PCDH9: variants seen among roughly 807,000 people sequenced by gnomAD.
PCDH9 encodes the protein protocadherin 9, also known as protocadherin-9.
A neutral mutation model predicts 70.6 loss-of-function variants in PCDH9; 24 were observed. The ratio of observed to expected loss-of-function variants is 0.34; its 90% CI spans 0.25 to 0.48. The LOEUF (loss-of-function observed/expected upper bound fraction) is 0.48. Among genes scored for constraint, PCDH9 ranks in the 20% least tolerant of loss-of-function variants. PCDH9 has a pLI of 0.99. For synonymous variants in PCDH9, 562 were observed against 558.5 expected, an observed-to-expected ratio of 1.01 and a Z score of -0.09; for missense variants, 1,281 against 1,503.6, an observed-to-expected ratio of 0.85 and a Z score of 2.45.
At position 67,190,772 on chromosome 13, in the gene PCDH9, T is replaced by G. The variant is rs534414272; in HGVS notation, c.3036+34633A>C. On this transcript the variant is annotated intron_variant, in intron 2 of 4. Coordinates refer to ENST00000377865, the MANE Select transcript of PCDH9 (RefSeq NM_203487.3). ...TTTTGAATAATATATTTTTAAAACA[T>G]AGCAAAACCCTTCTTATCTCCCAGA... Among the ~76,000 whole-genome samples the G allele has an allele frequency of 1.9e-4, 29 of 152,220 alleles. No homozygotes were observed. The South Asian group carries it at 2.7e-3, about 14-fold the overall frequency.
chr13:66,676,091 C>T (rs1593876423), intron 3 of PCDH9, among the ~76,000 whole-genome samples: 1 of 152,082 alleles, frequency 6.6e-6, no homozygotes, highest in Admixed American at 6.6e-5. Flanking sequence ...TGTTAAGGGG[C>T]ATCTATCATT....
chr13:66,347,251 T>C (rs1593837663), intron 4 of PCDH9, among the ~76,000 whole-genome samples: 1 of 152,198 alleles, frequency 6.6e-6, no homozygotes, highest in South Asian at 2.1e-4. Flanking sequence ...AATACGCAAA[T>C]AGAATGCACT....
chr13:66,745,675 T>C (rs1340367432), intron 3 of PCDH9, among the ~76,000 whole-genome samples: 1 of 152,202 alleles, frequency 6.6e-6, no homozygotes, highest in Non-Finnish European at 1.5e-5. Context: ...CATGCTCATC[T>C]TAAATTAATA....
intron 4 of PCDH9, among the ~76,000 whole-genome samples, chr13:66,382,223 A>G (rs977759173): frequency 1.3e-5 from 2 of 152,220 alleles, no homozygotes; most frequent in Non-Finnish European, 2.9e-5. Flanking sequence ...AAACAAATGT[A>G]CTTTTTTGAA....
chr13:66,722,967 CAAA>C (rs1210244459), intron 3 of PCDH9, among the ~76,000 whole-genome samples: 137 of 73,690 alleles, frequency 1.9e-3, no homozygotes, highest in Admixed American at 7.5e-3. Flanking sequence ...GACTGCATCT[CAAA>C]AAAAAAAAAA....
At chr13:66,744,161 A>G (rs2079319315) in intron 3 of PCDH9, among the ~76,000 whole-genome samples, 1 of 152,232 alleles carries the variant, frequency 6.6e-6, no homozygotes, top group Non-Finnish European at 1.5e-5. Flanking sequence ...CCACACTTCC[A>G]AAACTATAAA....
At chr13:66,786,336 C>A (rs1365898133) in intron 3 of PCDH9, among the ~76,000 whole-genome samples, 1 of 152,128 alleles carries the variant, frequency 6.6e-6, no homozygotes. Flanking sequence ...AAGAATTAGG[C>A]CCATTATGCA....
intron 2 of PCDH9, among the ~76,000 whole-genome samples, chr13:67,018,674 A>G (rs2084613256): frequency 6.6e-6 from 1 of 151,826 alleles, no homozygotes; most frequent in Admixed American, 6.6e-5. Flanking sequence ...ATGAGTTACT[A>G]AATTAAACAA....
At chr13:66,608,670 G>C (rs1195938997) in intron 4 of PCDH9, among the ~76,000 whole-genome samples, 1 of 151,724 alleles carries the variant, frequency 6.6e-6, no homozygotes, top group East Asian at 1.9e-4. Flanking sequence ...ACTCCTCCAA[G>C]CAGGAGACAC....
rs372853408 is a variant in PCDH9 at position 66,302,847 on chromosome 13, A to G, written c.*1808T>C. 1.8e-4 allele frequency: 28 copies of G among 152,682 alleles called. 1 individual carries two copies. In the East Asian group the frequency reaches 4.1e-3, roughly 22 times the overall value. The allele number at this position is 152,682 out of a possible 1,614,324, so 9.5% of individuals were successfully genotyped here. ...AACACACTGCAATCAGGAATTCAGA[A>G]CATTTATTGCAAGAGCTGAATAATT... On this transcript the variant is annotated 3_prime_UTR_variant, in exon 5 of 5. Coordinates refer to ENST00000377865, the MANE Select transcript of PCDH9 (RefSeq NM_203487.3).
In PCDH9 at chr13:66,631,201, G is replaced by T. The variant is rs765195581; in HGVS notation, c.3340+9C>A. ...ACTCCAAGCAATCAAAATTTTGAAGGGGACTCACCAGAGTTGGGATCAGAG... is the reference window on the plus strand; with the variant it reads ...ACTCCAAGCAATCAAAATTTTGAAGTGGACTCACCAGAGTTGGGATCAGAG... On this transcript the variant is annotated intron_variant, in intron 4 of 4. Transcript: ENST00000377865. 2.0e-6 allele frequency: 3 copies of T among 1,472,408 alleles called. No individual in the cohort carries two copies. In the Admixed American group the frequency reaches 5.0e-5, roughly 25 times the overall value. 91.2% of individuals were successfully genotyped at this position (1,472,408 alleles called of 1,614,324 possible).
At chr13:66,714,623 G>A (rs970141804) in intron 3 of PCDH9, among the ~76,000 whole-genome samples, 1 of 152,048 alleles carries the variant, frequency 6.6e-6, no homozygotes, top group Admixed American at 6.6e-5. Flanking sequence ...AGGCGTTCAT[G>A]TACCCTATTA....
chr13:66,911,669 C>T (rs944894512), intron 2 of PCDH9, among the ~76,000 whole-genome samples: 5 of 152,076 alleles, frequency 3.3e-5, no homozygotes, highest in African/African-American at 9.7e-5. Context: ...ATATTATTAC[C>T]TTACTGTAAA....
chr13:66,372,244 T>C (rs943796840), intron 4 of PCDH9, among the ~76,000 whole-genome samples: 1 of 151,842 alleles, frequency 6.6e-6, no homozygotes, highest in East Asian at 1.9e-4. Flanking sequence ...CAGAAAGTGA[T>C]AAATTCCATA....
intron 3 of PCDH9, among the ~76,000 whole-genome samples, chr13:66,668,346 CCTTT>C (rs2078124969): frequency 6.6e-6 from 1 of 152,076 alleles, no homozygotes; most frequent in Non-Finnish European, 1.5e-5. Context: ...GTTTTTCCAA[CCTTT>C]CTTTGTCATT....
intron 3 of PCDH9, among the ~76,000 whole-genome samples, chr13:66,757,732 T>G (rs1566174003): frequency 6.6e-6 from 1 of 152,136 alleles, no homozygotes. Context: ...GTGTAATTAT[T>G]CGATATCTTC....
intron 4 of PCDH9, among the ~76,000 whole-genome samples, chr13:66,456,455 T>C (rs555318266): frequency 6.6e-6 from 1 of 152,184 alleles, no homozygotes; most frequent in Admixed American, 6.6e-5. Context: ...AGAGATGGGC[T>C]CTCATTATGT....
At chr13:67,096,103 T>C (rs376828019) in intron 2 of PCDH9, among the ~76,000 whole-genome samples, 1 of 152,148 alleles carries the variant, frequency 6.6e-6, no homozygotes, top group African/African-American at 2.4e-5. Context: ...GATACCCGAA[T>C]AGAGAACTTA....
At chr13:66,421,952 G>T (rs1222412245) in intron 4 of PCDH9, among the ~76,000 whole-genome samples, 4 of 152,102 alleles carry the variant, frequency 2.6e-5, no homozygotes, top group Non-Finnish European at 5.9e-5. Context: ...CAAAATAAAG[G>T]CATGGAGGAA....
Sources: gnomAD v4.1 joint callset for allele counts (sites outside exome capture counted in the v4.1 genomes callset) on GRCh38, gnomAD v4.1.1 for gene constraint, MANE v1.5 for transcripts, NCBI Gene and HGNC (gene_info 2026-07-23, HGNC 2026-07-21) for gene names.